PDE1C: variants seen among roughly 807,000 people sequenced by gnomAD.
PDE1C encodes phosphodiesterase 1C.
In PDE1C, 62 loss-of-function variants were observed where a neutral mutation model predicts 93.1. That is an observed-to-expected ratio of 0.67 (90% CI 0.54 to 0.82). The LOEUF (loss-of-function observed/expected upper bound fraction) is 0.82. Ranked by LOEUF, PDE1C falls within the 40% of genes least tolerant of loss-of-function variation. The pLI, the probability that PDE1C is intolerant of heterozygous loss-of-function variation, is 0.00. For synonymous variants in PDE1C, 325 were observed against 310.1 expected (o/e 1.05, Z -0.50); for missense variants, 742 against 884.6 (o/e 0.84, Z 2.04).
chr7:31,692,140 T>A, the PDE1C span, among the ~76,000 whole-genome samples: 1 of 152,200 alleles, frequency 6.6e-6, no homozygotes, highest in Admixed American at 6.5e-5. Flanking sequence ...TCTCAATGTG[T>A]CTCTGAGAGA....
chr7:31,976,015 G>A (rs1031787444), intron 2 of PDE1C, among the ~76,000 whole-genome samples: 11 of 152,208 alleles, frequency 7.2e-5, no homozygotes, highest in Admixed American at 5.2e-4. Flanking sequence ...AATAAATGAT[G>A]TTTATTATCA....
chr7:32,389,345 T>C (rs1457702054), intron 1 of PDE1C, among the ~76,000 whole-genome samples: 1 of 152,200 alleles, frequency 6.6e-6, no homozygotes, highest in Non-Finnish European at 1.5e-5. Context: ...GCCTGCCAAG[T>C]AGCTGAGCTT....
At chr7:31,667,334 T>A in the PDE1C span, among the ~76,000 whole-genome samples, 1 of 152,214 alleles carries the variant, frequency 6.6e-6, no homozygotes, top group East Asian at 1.9e-4. Flanking sequence ...TTCCACAGAC[T>A]ATCAAAGGTA....
intron 2 of PDE1C, among the ~76,000 whole-genome samples, chr7:32,035,761 C>A (rs1468180743): frequency 6.6e-6 from 1 of 152,160 alleles, no homozygotes; most frequent in South Asian, 2.1e-4. Context: ...GCTCGAAATC[C>A]TAGCAGTATG....
the PDE1C span, among the ~76,000 whole-genome samples, chr7:31,667,956 G>T: frequency 1.3e-5 from 2 of 151,918 alleles, no homozygotes; most frequent in African/African-American, 4.8e-5. Context: ...AGGGAGGATA[G>T]GCAATGAGGA....
chr7:31,794,025 TAGATAGATAGATAGATAGACAGACAGAC>T (rs1433988326), intron 16 of PDE1C, among the ~76,000 whole-genome samples: 11 of 112,348 alleles, frequency 9.8e-5, no homozygotes, highest in South Asian at 9.6e-4. Flanking sequence ...GATAGATAGA[TAGATAGATAGATAGATAGACAGACAGAC>T]AGACAGACAG....
chr7:31,829,750 G>A (rs367778445), intron 11 of PDE1C, among the ~76,000 whole-genome samples: 2 of 152,062 alleles, frequency 1.3e-5, no homozygotes, highest in Non-Finnish European at 2.9e-5. Flanking sequence ...TTTCAAGTAC[G>A]CACTACTGAA....
At chr7:31,627,024 G>A in the PDE1C span, among the ~76,000 whole-genome samples, 3 of 152,226 alleles carry the variant, frequency 2.0e-5, no homozygotes, top group African/African-American at 4.8e-5. Flanking sequence ...AAACACATAT[G>A]TTGAGGAAGG....
chr7:32,026,440 C>A (rs1230239091), intron 2 of PDE1C, among the ~76,000 whole-genome samples: 1 of 152,132 alleles, frequency 6.6e-6, no homozygotes, highest in Non-Finnish European at 1.5e-5. Context: ...AGAATTCCAA[C>A]TGAACCACTG....
At chr7:32,325,151 C>G (rs1454166718) in intron 1 of PDE1C, among the ~76,000 whole-genome samples, 1 of 152,202 alleles carries the variant, frequency 6.6e-6, no homozygotes, top group East Asian at 1.9e-4. Context: ...AGTTATTTGA[C>G]TCAACTGTGA....
chr7:31,887,772 C>T lies in PDE1C; in HGVS notation c.129-6912G>A, dbSNP rs941943208. Among the ~76,000 whole-genome samples the T allele has an allele frequency of 2.6e-5, 4 of 152,192 alleles. No homozygotes were observed. In the East Asian group the frequency reaches 7.7e-4, roughly 29 times the overall value. ...AATGTTCTGTGACAACAATGAAACACAATTTTGTTATTGATTAGAACCCAA... is the reference window on the plus strand; with the variant it reads ...AATGTTCTGTGACAACAATGAAACATAATTTTGTTATTGATTAGAACCCAA... On this transcript the variant is annotated intron_variant, in intron 2 of 17. Transcript: ENST00000396191.
At chr7:31,869,687 C>A (rs1420820012) in intron 6 of PDE1C, among the ~76,000 whole-genome samples, 4 of 152,046 alleles carry the variant, frequency 2.6e-5, no homozygotes, top group African/African-American at 9.7e-5. Flanking sequence ...GACTTCAGCA[C>A]TCTATCATAG....
At chr7:31,794,159 A>T (rs541927917) in intron 16 of PDE1C, among the ~76,000 whole-genome samples, 1 of 151,834 alleles carries the variant, frequency 6.6e-6, no homozygotes, top group East Asian at 2.0e-4. Context: ...CAGACAGAAG[A>T]CATTTGTGGG....
chr7:31,815,566 G>A (rs1427339142), intron 15 of PDE1C, among the ~76,000 whole-genome samples: 1 of 152,136 alleles, frequency 6.6e-6, no homozygotes, highest in African/African-American at 2.4e-5. Context: ...CCCTCATAGA[G>A]CGATGGTATA....
chr7:31,967,169 G>C (rs1810131554), intron 2 of PDE1C, among the ~76,000 whole-genome samples: 2 of 152,158 alleles, frequency 1.3e-5, no homozygotes, highest in South Asian at 4.1e-4. Context: ...ATGAATCCAG[G>C]AGCTGCTTTT....
intron 2 of PDE1C, among the ~76,000 whole-genome samples, chr7:32,185,689 C>T (rs1435490717): frequency 2.0e-5 from 3 of 152,064 alleles, no homozygotes; most frequent in African/African-American, 7.2e-5. Flanking sequence ...TATTTATTTG[C>T]TTATTTTCTT....
the PDE1C span, among the ~76,000 whole-genome samples, chr7:31,737,841 A>G: frequency 6.6e-6 from 1 of 151,184 alleles, no homozygotes; most frequent in East Asian, 2.0e-4. Context: ...TGCAATAACC[A>G]TTCAAAAACA....
chr7:31,651,888 G>T, the PDE1C span: 1 of 1,298,452 alleles, frequency 7.7e-7, no homozygotes, highest in South Asian at 1.3e-5. Context: ...ATGGAAGATT[G>T]CACCTGGGAA....
the PDE1C span, among the ~76,000 whole-genome samples, chr7:31,632,169 C>T: frequency 1.1e-3 from 163 of 152,302 alleles, no homozygotes; most frequent in African/African-American, 3.8e-3. Context: ...TTGACAGAGG[C>T]AGGGCGTGGT....
Sources: allele counts gnomAD v4.1 joint callset (sites outside exome capture counted in the v4.1 genomes callset), GRCh38; gene constraint gnomAD v4.1.1; transcripts MANE v1.5; gene names NCBI Gene and HGNC (gene_info 2026-07-23, HGNC 2026-07-21).